The following ASPH variants were observed in gnomAD, a reference collection of about 807,000 sequenced individuals.
ASPH encodes aspartyl/asparaginyl beta-hydroxylase.
A neutral mutation model predicts 118.4 loss-of-function variants in ASPH; 100 were observed. The observed-to-expected ratio is 0.84, with a 90% CI of 0.72 to 1.00. The LOEUF is 1.00. ASPH is among the 50% of genes least tolerant of loss of function. ASPH has a pLI of 0.00. For missense variants in ASPH, 920 were observed against 919.5 expected (o/e 1.00, Z -0.01); for synonymous variants, 315 against 325.6 (o/e 0.97, Z 0.35).
intron 18 of ASPH, among the ~76,000 whole-genome samples, chr8:61,559,311 T>C (rs1828968585): frequency 6.6e-6 from 1 of 152,228 alleles, no homozygotes; most frequent in Non-Finnish European, 1.5e-5. Context: ...CGGTGGCTTC[T>C]GGTCAACAGC....
At position 61,569,607 on chromosome 8, in the gene ASPH, A is replaced by AT. The variant is rs1256671742; in HGVS notation, c.1150-2290_1150-2289insA. Among the ~76,000 whole-genome samples the AT allele has an allele frequency of 5.1e-4, 78 of 152,322 alleles. 1 individual carries two copies. The highest frequency in any genetic ancestry group is 1.8e-3 in the African/African-American group (74 of 41,574). On this transcript the variant is annotated intron_variant, in intron 16 of 24. Transcript: ENST00000379454. ...TTTTCACAAAATAAGACATCAATGA[A>AT]ATAACTTGATAATATGAACTGATTA...
intron 13 of ASPH, chr8:61,628,327 T>A: frequency 1.7e-5 from 1 of 57,158 alleles, no homozygotes; most frequent in African/African-American, 9.5e-5. Context: ...GCCCGGCTTT[T>A]TTTTTTTTTT....
intron 3 of ASPH, chr8:61,659,838 C>G (rs1246641105): frequency 6.6e-6 from 1 of 152,094 alleles, no homozygotes; most frequent in African/African-American, 2.4e-5. Flanking sequence ...AGCTTAACAA[C>G]AAAATAAACT....
chr8:61,713,592 G>A (rs1838599020), intron 1 of ASPH, among the ~76,000 whole-genome samples: 1 of 152,184 alleles, frequency 6.6e-6, no homozygotes, highest in South Asian at 2.1e-4. Context: ...TGTTCTCTCT[G>A]CTGGATATGC....
At chr8:61,663,408 A>G (rs1004383587) in intron 3 of ASPH, 5 of 985,444 alleles carry the variant, frequency 5.1e-6, no homozygotes, top group Non-Finnish European at 6.0e-6. Flanking sequence ...GGTAAACTAG[A>G]GACTGGTCTG....
chr8:61,682,399 G>A (rs377111599), intron 2 of ASPH: 2 of 1,581,364 alleles, frequency 1.3e-6, no homozygotes, highest in African/African-American at 2.7e-5. Flanking sequence ...CCATTAGAGA[G>A]TAACACACGT....
intron 14 of ASPH, among the ~76,000 whole-genome samples, chr8:61,593,235 G>A (rs1489234903): frequency 6.6e-6 from 1 of 152,188 alleles, no homozygotes; most frequent in East Asian, 1.9e-4. Context: ...ATGTGAGAAA[G>A]AAAAGCTAAT....
intron 14 of ASPH, among the ~76,000 whole-genome samples, chr8:61,586,904 C>T (rs1370878589): frequency 6.6e-6 from 1 of 152,206 alleles, no homozygotes; most frequent in Non-Finnish European, 1.5e-5. Flanking sequence ...CTGAGCTGAC[C>T]TTCTGAGAAC....
At chr8:61,578,814 G>T in intron 15 of ASPH, 2 of 1,610,290 alleles carry the variant, frequency 1.2e-6, no homozygotes, top group Non-Finnish European at 1.7e-6. Context: ...CATCAAGAAG[G>T]ATGTGGATGA....
chr8:61,526,153 C>G (rs1815233047), intron 21 of ASPH, 41 bp from the exon 22 acceptor site: 2 of 1,611,714 alleles, frequency 1.2e-6, no homozygotes, highest in African/African-American at 1.3e-5. Flanking sequence ...GAAAAAGGGC[C>G]TGGTGGAGCA....
chr8:61,658,938 G>A lies in ASPH; in HGVS notation c.323-5278C>T, dbSNP rs142817868. ...CTAGGATAGGTGCTCGAGATAAATCGTAGTCTGGCAGCAAAGTCCAAGAAT... is the reference window on the plus strand; with the variant it reads ...CTAGGATAGGTGCTCGAGATAAATCATAGTCTGGCAGCAAAGTCCAAGAAT... On this transcript the variant is annotated intron_variant, in intron 3 of 24. Transcript: ENST00000379454. The A allele has an allele frequency of 6.7e-3, 1,023 of 152,394 alleles. 7 individuals carry two copies. Among genetic ancestry groups the A allele is most frequent in the Non-Finnish European group, 0.011 (740 of 68,068 alleles). The allele number at this position is 152,394 out of a possible 1,614,324, so 9.4% of individuals were successfully genotyped here.
chr8:61,590,590 GAAT>G, intron 14 of ASPH, among the ~76,000 whole-genome samples: 1 of 148,844 alleles, frequency 6.7e-6, no homozygotes, highest in African/African-American at 2.5e-5. Flanking sequence ...GTGTGTGTAT[GAAT>G]TTCTCCCACT....
At chr8:61,685,961 G>T (rs1007009849) in intron 1 of ASPH, among the ~76,000 whole-genome samples, 4 of 152,000 alleles carry the variant, frequency 2.6e-5, no homozygotes, top group Non-Finnish European at 4.4e-5. Context: ...TAGAGACAGG[G>T]TTTCACCATA....
chr8:61,612,702 G>A (rs914827151), intron 14 of ASPH, among the ~76,000 whole-genome samples: 6 of 151,962 alleles, frequency 3.9e-5, no homozygotes, highest in African/African-American at 1.5e-4. Flanking sequence ...TAGACCTGTG[G>A]GACATTTTCA....
chr8:61,503,879 A>G (rs1287699731), intron 24 of ASPH, among the ~76,000 whole-genome samples: 1 of 152,192 alleles, frequency 6.6e-6, no homozygotes, highest in Non-Finnish European at 1.5e-5. Context: ...GCCTCTCAAG[A>G]CACTTCCAAT....
chr8:61,642,377 A>G (rs1407686591), intron 10 of ASPH, among the ~76,000 whole-genome samples: 2 of 152,246 alleles, frequency 1.3e-5, no homozygotes, highest in African/African-American at 4.8e-5. Context: ...GGCAACTTGT[A>G]AAGAGTTTAA....
chr8:61,711,825 CAT>C, intron 1 of ASPH, among the ~76,000 whole-genome samples: 1 of 152,204 alleles, frequency 6.6e-6, no homozygotes, highest in Non-Finnish European at 1.5e-5. Flanking sequence ...TATTTGAACA[CAT>C]ATACTTCTTC....
In ASPH at chr8:61,554,711, G is replaced by GT. The variant is rs201410659; in HGVS notation, c.1536+1212dup. Among the ~76,000 whole-genome samples, 1,353 of 151,814 alleles carry GT rather than the reference G, an allele frequency of 8.9e-3. 20 individuals carry two copies. Among genetic ancestry groups the GT allele is most frequent in the African/African-American group, 0.03 (1,233 of 41,412 alleles). On this transcript the variant is annotated intron_variant, in intron 19 of 24. Transcript: ENST00000379454. ...TTTTTTAGAGACTGGGTCTTGCTCT[G>GT]TTTTTTTTGTTTGTTTGTTTTTTTA...
chr8:61,502,333 T>A lies in ASPH; in HGVS notation c.*1026A>T, dbSNP rs1340503814. 2 of 152,206 alleles carry A rather than the reference T, an allele frequency of 1.3e-5. No individual in the cohort carries two copies. The highest frequency in any genetic ancestry group is 4.8e-5 in the African/African-American group (2 of 41,452). The allele number at this position is 152,206 out of a possible 1,614,324, so 9.4% of individuals were successfully genotyped here. A position where few individuals can be genotyped will look rare whatever the true frequency, so the allele number is the denominator to read the frequency against. ...TAACCTTTTACTCTGCCATCCTTAATCTTTCTACAGAATTGTAGCAGAAAT... is the reference window on the plus strand; with the variant it reads ...TAACCTTTTACTCTGCCATCCTTAAACTTTCTACAGAATTGTAGCAGAAAT... On this transcript the variant is annotated 3_prime_UTR_variant, in exon 25 of 25. Transcript: ENST00000379454.
Sources: gnomAD v4.1 joint callset for allele counts (sites outside exome capture counted in the v4.1 genomes callset) on GRCh38, gnomAD v4.1.1 for gene constraint, MANE v1.5 for transcripts, NCBI Gene and HGNC (gene_info 2026-07-23, HGNC 2026-07-21) for gene names.